The following ACBD6 variants were observed in gnomAD, a reference collection of about 807,000 sequenced individuals.
ACBD6 encodes the protein acyl-CoA binding domain containing 6, also known as acyl-CoA-binding domain-containing protein 6.
A neutral mutation model predicts 37.2 loss-of-function variants in ACBD6; 28 were observed. That is an observed-to-expected ratio of 0.75 (90% CI 0.56 to 1.03). The LOEUF (loss-of-function observed/expected upper bound fraction) is 1.03. Among genes scored for constraint, ACBD6 ranks in the 50% least tolerant of loss-of-function variants. The probability of loss-of-function intolerance (pLI) is 0.00; values close to 1 mark genes in which losing one functional copy is unlikely to be tolerated. For missense variants in ACBD6, 340 were observed against 337.4 expected, an observed-to-expected ratio of 1.01 and a Z score of -0.06; for synonymous variants, 113 against 126.8, an observed-to-expected ratio of 0.89 and a Z score of 0.73.
chr1:180,483,106 T>C (rs1250076441), intron 3 of ACBD6, among the ~76,000 whole-genome samples: 1 of 152,180 alleles, frequency 6.6e-6, no homozygotes, highest in African/African-American at 2.4e-5. Context: ...TCATTTTCTA[T>C]TTCTCCACCC....
intron 9 of ACBD6, chr1:180,277,941 A>G (rs1649138564): frequency 6.6e-6 from 1 of 152,124 alleles, no homozygotes; most frequent in South Asian, 2.1e-4. Context: ...CTTCATCATT[A>G]AACTCACTTT....
At chr1:180,389,907 T>C (rs1482780217) in intron 6 of ACBD6, among the ~76,000 whole-genome samples, 1 of 152,098 alleles carries the variant, frequency 6.6e-6, no homozygotes, top group Non-Finnish European at 1.5e-5. Flanking sequence ...TATTAGCCCT[T>C]TGTCAGATGA....
At chr1:180,364,736 C>CTTT (rs10646954) in intron 6 of ACBD6, among the ~76,000 whole-genome samples, 29 of 140,906 alleles carry the variant, frequency 2.1e-4, no homozygotes, top group South Asian at 4.5e-4. Context: ...TCCTTTCTAT[C>CTTT]TTTTTTTTTT....
At chr1:180,401,435 T>A (rs976288275) in intron 5 of ACBD6, among the ~76,000 whole-genome samples, 3 of 152,036 alleles carry the variant, frequency 2.0e-5, no homozygotes, top group Admixed American at 1.3e-4. Context: ...ATAAACCATG[T>A]AGAATTTTTT....
At chr1:180,471,207 C>T (rs1650551557) in intron 3 of ACBD6, among the ~76,000 whole-genome samples, 1 of 151,970 alleles carries the variant, frequency 6.6e-6, no homozygotes, top group Non-Finnish European at 1.5e-5. Flanking sequence ...CAAGACCAAC[C>T]TGGACAACAC....
intron 7 of ACBD6, among the ~76,000 whole-genome samples, chr1:180,313,204 C>T (rs780510287): frequency 1.3e-5 from 2 of 152,136 alleles, no homozygotes; most frequent in Non-Finnish European, 2.9e-5. Flanking sequence ...ATTTTTGCAT[C>T]TATGCTCATA....
intron 4 of ACBD6, among the ~76,000 whole-genome samples, chr1:180,418,945 G>C (rs1188713361): frequency 7.2e-5 from 11 of 152,122 alleles, no homozygotes; most frequent in African/African-American, 2.2e-4. Context: ...TTTGTGTGTT[G>C]TGCTGTTCTT....
chr1:180,397,914 A>G (rs895316669), intron 5 of ACBD6, among the ~76,000 whole-genome samples: 10 of 152,096 alleles, frequency 6.6e-5, no homozygotes, highest in African/African-American at 2.4e-4. Context: ...TTAGCTGGGC[A>G]TGGTGATGGG....
chr1:180,433,906 G>A (rs945617320), intron 3 of ACBD6, among the ~76,000 whole-genome samples: 5 of 152,036 alleles, frequency 3.3e-5, no homozygotes, highest in Admixed American at 6.6e-5. Context: ...AAGAGGAATG[G>A]GTGCTGGGAG....
intron 3 of ACBD6, among the ~76,000 whole-genome samples, chr1:180,490,109 G>A (rs937495570): frequency 2.0e-5 from 3 of 152,156 alleles, no homozygotes; most frequent in African/African-American, 7.2e-5. Context: ...AACAGGGAAG[G>A]ATGAGAACAC....
intron 3 of ACBD6, among the ~76,000 whole-genome samples, chr1:180,454,313 G>C (rs1393886741): frequency 1.3e-5 from 2 of 152,190 alleles, no homozygotes; most frequent in African/African-American, 4.8e-5. Flanking sequence ...GGGAAAACTG[G>C]CTAGCCATAT....
chr1:180,460,849 A>G (rs1364311207), intron 3 of ACBD6, among the ~76,000 whole-genome samples: 1 of 152,214 alleles, frequency 6.6e-6, no homozygotes, highest in African/African-American at 2.4e-5. Context: ...CTCTCCTCCA[A>G]ATGACAACAT....
chr1:180,292,746 A>G (rs1649762924), intron 7 of ACBD6, among the ~76,000 whole-genome samples: 1 of 152,138 alleles, frequency 6.6e-6, no homozygotes. Flanking sequence ...TGCATTGGCT[A>G]GAACTTTTAA....
intron 3 of ACBD6, among the ~76,000 whole-genome samples, chr1:180,470,275 C>CA (rs200474062): frequency 1.0e-3 from 155 of 151,524 alleles, no homozygotes; most frequent in Non-Finnish European, 1.6e-3. Flanking sequence ...TAAAAAACAG[C>CA]AAAAAAAATA....
chr1:180,430,001 T>C (rs1036672546), intron 4 of ACBD6, among the ~76,000 whole-genome samples, 179 bp downstream of exon 4: 2 of 152,196 alleles, frequency 1.3e-5, no homozygotes, highest in African/African-American at 4.8e-5. Flanking sequence ...TCATTTATTG[T>C]CCTGCTGGCA....
chr1:180,463,386 C>T (rs191343645), intron 3 of ACBD6, among the ~76,000 whole-genome samples: 136 of 152,180 alleles, frequency 8.9e-4, no homozygotes, highest in African/African-American at 3.2e-3. Context: ...ACCACTGACC[C>T]CACAGAAATA....
intron 2 of ACBD6, among the ~76,000 whole-genome samples, chr1:180,493,344 G>A (rs1316802509): frequency 4.2e-5 from 6 of 143,192 alleles, no homozygotes; most frequent in Non-Finnish European, 9.0e-5. Context: ...AATGGCAAAA[G>A]CAACATTTTA....
intron 7 of ACBD6, among the ~76,000 whole-genome samples, chr1:180,296,048 T>C (rs1326945962): frequency 1.3e-5 from 2 of 152,112 alleles, no homozygotes; most frequent in African/African-American, 4.8e-5. Flanking sequence ...CAAATAAAAG[T>C]TCTTGAAGAA....
At chr1:180,452,469 T>A (rs1342982899) in intron 3 of ACBD6, among the ~76,000 whole-genome samples, 1 of 150,830 alleles carries the variant, frequency 6.6e-6, no homozygotes, top group Non-Finnish European at 1.5e-5. Context: ...AGACTCCATC[T>A]CAAAAAATTA....
Sources: allele counts gnomAD v4.1 joint callset (sites outside exome capture counted in the v4.1 genomes callset), GRCh38; gene constraint gnomAD v4.1.1; transcripts MANE v1.5; gene names NCBI Gene and HGNC (gene_info 2026-07-23, HGNC 2026-07-21).